MYCBP2: variants seen among roughly 807,000 people sequenced by gnomAD.
The protein encoded by MYCBP2 is MYC binding protein 2.
In MYCBP2, 120 loss-of-function variants were observed where a neutral mutation model predicts 525.3. The ratio of observed to expected loss-of-function variants is 0.23; its 90% CI spans 0.20 to 0.27. The LOEUF (loss-of-function observed/expected upper bound fraction) is 0.27, where lower values mean the gene tolerates loss of function less well. MYCBP2 is among the 10% of genes least tolerant of loss of function. The pLI is 1.00. For missense variants in MYCBP2, 4,149 were observed against 5,657.1 expected (o/e 0.73, Z 8.55); for synonymous variants, 1,894 against 1,955.8 (o/e 0.97, Z 0.83).
At chr13:77,088,766 G>C (rs74859810) in intron 61 of MYCBP2, 66 bp downstream of exon 61, 4 of 1,394,162 alleles carry the variant, frequency 2.9e-6, no homozygotes, top group South Asian at 1.3e-5. Context: ...AAGTGGCATC[G>C]TGAAATAGAA....
intron 52 of MYCBP2, among the ~76,000 whole-genome samples, chr13:77,128,938 C>T (rs2052207691): frequency 6.6e-6 from 1 of 151,960 alleles, no homozygotes; most frequent in Non-Finnish European, 1.5e-5. Flanking sequence ...ACTCATAAAA[C>T]TAAATATAGC....
At chr13:77,219,059 C>T (rs1417544784) in intron 20 of MYCBP2, among the ~76,000 whole-genome samples, 1 of 151,976 alleles carries the variant, frequency 6.6e-6, no homozygotes, top group Non-Finnish European at 1.5e-5. Context: ...GTAATATTCA[C>T]TTAAGCTATG....
chr13:77,078,879 G>T lies in MYCBP2; in HGVS notation c.11429C>A (p.Thr3810Asn). Residue 3810 changes from threonine to asparagine, a missense_variant, in exon 66 of 83, where the codon ACC (threonine) becomes AAC (asparagine). By Grantham distance (65) the Thr-to-Asn change is moderately conservative. Around this residue, in one of 21 missense-constraint regions of MYCBP2, gnomAD observed 509 missense variants for 789.4 expected, o/e 0.64. Coordinates refer to ENST00000544440, the MANE Select transcript of MYCBP2 (RefSeq NM_015057.5). ...DNSRDLGNKV[T>N]SMTFLTGKAV... ...TTTGCCAGTTAAGAAGGTCATTGAG[G>T]TAACTTTATTCTGAAATAGACAATT... 1 of 1,612,938 alleles carries T rather than the reference G, an allele frequency of 6.2e-7. No individual in the cohort carries two copies. Among genetic ancestry groups the T allele is most frequent in the Non-Finnish European group, 8.5e-7 (1 of 1,179,154 alleles).
chr13:77,276,720 G>A (rs547184280), intron 4 of MYCBP2, among the ~76,000 whole-genome samples: 17 of 151,608 alleles, frequency 1.1e-4, no homozygotes, highest in Non-Finnish European at 2.1e-4. Flanking sequence ...AGAGTGCAGC[G>A]CAGTGGCATG....
rs540457473 is a variant in MYCBP2 at position 77,161,404 on chromosome 13, A to G, written c.6597+502T>C. Among the ~76,000 whole-genome samples, 17 of 152,340 alleles carry G rather than the reference A, an allele frequency of 1.1e-4. No individual in the cohort carries two copies. In the South Asian group the frequency reaches 3.5e-3, roughly 32 times the overall value. On this transcript the variant is annotated intron_variant, in intron 44 of 82. Transcript: ENST00000544440. ...AAAGGTAAAGCAAACAATAATAAAA[A>G]CAACAAATGATGGCTCCCAATTGTC... is the stretch of plus-strand genomic sequence containing the variant.
intron 55 of MYCBP2, among the ~76,000 whole-genome samples, chr13:77,107,029 AT>A (rs1291246015): frequency 1.3e-5 from 2 of 152,116 alleles, no homozygotes; most frequent in African/African-American, 4.8e-5. Context: ...ATTTATATAT[AT>A]TTCTTTAGAT....
rs1490168239 is a variant in MYCBP2, at chr13:77,205,171, AT to A, written c.3843+84del. The stretch of plus-strand genomic sequence containing the variant: ...ATAAACCCAGTTAAAAAGGAAAAAA[AT>A]TAGACATTAAATAATAAAATAATAA... On this transcript the variant is annotated intron_variant, in intron 26 of 82. Transcript: ENST00000544440. The A allele has an allele frequency of 4.0e-6, 5 of 1,237,118 alleles. No individual in the cohort carries two copies. In the African/African-American group the frequency reaches 7.9e-5, roughly 19 times the overall value. The allele number at this position is 1,237,118 out of a possible 1,614,324, so 76.6% of individuals were successfully genotyped here. A position where few individuals can be genotyped will look rare whatever the true frequency, so the allele number is the denominator to read the frequency against.
chr13:77,145,385 T>C (rs74098705), intron 48 of MYCBP2, among the ~76,000 whole-genome samples: 10,486 of 152,250 alleles, frequency 0.069, 565 homozygotes, highest in African/African-American at 0.14. Context: ...GTTTTGTTGC[T>C]TTCCCTTTTC....
chr13:77,054,087 G>A (rs115364558), intron 80 of MYCBP2, among the ~76,000 whole-genome samples: 81 of 152,290 alleles, frequency 5.3e-4, no homozygotes, highest in African/African-American at 1.9e-3. Flanking sequence ...TGAAACCTGA[G>A]CTGAAGCCCG....
intron 3 of MYCBP2, among the ~76,000 whole-genome samples, chr13:77,279,500 T>C (rs1352450333): frequency 2.0e-5 from 3 of 152,166 alleles, no homozygotes; most frequent in South Asian, 2.1e-4. Context: ...TATACCTTCA[T>C]AAGACTGATA....
In MYCBP2 at chr13:77,161,886, T is replaced by C; in HGVS notation, c.6597+20A>G. On this transcript the variant is annotated intron_variant, in intron 44 of 82. Coordinates refer to ENST00000544440, the MANE Select transcript of MYCBP2 (RefSeq NM_015057.5). ...TAAATTAATGTACAAAGTTTATCCT[T>C]AAAACATTTGGGACAATACCTGCAA... 6.3e-7 allele frequency: 1 copy of C among 1,590,796 alleles called. No homozygotes were observed. The highest frequency in any genetic ancestry group is 1.7e-5 in the Admixed American group (1 of 57,742).
intron 80 of MYCBP2, 145 bp from the exon 81 acceptor site, chr13:77,052,063 T>C (rs1189838026): frequency 4.8e-6 from 3 of 621,836 alleles, no homozygotes; most frequent in Middle Eastern, 2.5e-4. Context: ...GCCAAGTGCA[T>C]GCCCATATTG....
chr13:77,273,902 A>G (rs1056508305), intron 4 of MYCBP2, among the ~76,000 whole-genome samples: 4 of 152,196 alleles, frequency 2.6e-5, no homozygotes, highest in Non-Finnish European at 5.9e-5. Flanking sequence ...AAAAAAGACA[A>G]TCTAAGGTCT....
intron 55 of MYCBP2, chr13:77,110,163 A>C (rs1405917274): frequency 6.6e-6 from 1 of 152,416 alleles, no homozygotes; most frequent in Non-Finnish European, 1.5e-5. Flanking sequence ...CAGAGAGCCT[A>C]TAAACAGATG....
chr13:77,325,030 G>A (rs1193307048), intron 1 of MYCBP2, among the ~76,000 whole-genome samples: 1 of 152,200 alleles, frequency 6.6e-6, no homozygotes, highest in East Asian at 1.9e-4. Context: ...AGTTCAGATA[G>A]CAAAAAATAG....
At position 77,211,189 on chromosome 13, in the gene MYCBP2, G is replaced by C. The variant is rs751832042; in HGVS notation, c.3394C>G (p.Pro1132Ala). Residue 1132 changes from proline (P) to alanine (A), a missense_variant, in exon 23 of 83, where the codon CCT becomes GCT. Pro to Ala is a conservative substitution (Grantham distance 27, BLOSUM62 -1). Transcript: ENST00000544440. ...DLQGFGVCLD[P>A]VYDVIWRFRP... ...TACCTCCAAATTACATCATATACAG[G>C]ATCAAGACACACACCAAATCCTTGC... 1 of 1,497,498 alleles carries C rather than the reference G, an allele frequency of 6.7e-7. No homozygotes were observed. Among genetic ancestry groups the C allele is most frequent in the East Asian group, 2.5e-5 (1 of 39,440 alleles). 92.8% of individuals were successfully genotyped at this position (1,497,498 alleles called of 1,614,324 possible).
chr13:77,258,983 G>T (rs1010499221), intron 13 of MYCBP2, among the ~76,000 whole-genome samples: 1 of 152,140 alleles, frequency 6.6e-6, no homozygotes, highest in East Asian at 1.9e-4. Context: ...GGCCATGCGC[G>T]GTGGCTCACG....
chr13:77,081,442 A>G lies in MYCBP2; in HGVS notation c.11403T>C (p.Asn3801=). 1.2e-6 allele frequency: 2 copies of G among 1,611,804 alleles called. No homozygotes were observed. The highest frequency in any genetic ancestry group is 1.7e-6 in the Non-Finnish European group (2 of 1,179,522). Residue 3801 remains asparagine, a synonymous_variant, in exon 65 of 83, where the codon AAT becomes AAC. Coordinates refer to ENST00000544440, the MANE Select transcript of MYCBP2 (RefSeq NM_015057.5). The surrounding 1 kb of genome is among the most constrained non-coding windows in gnomAD (Gnocchi z 4.6). The part of the protein sequence containing the change: ...NARYVSVHVD[N]SRDLGNKVTS... ...GCTTTCTTACCCCAAGATCTCGGGA[A>G]TTGTCCACGTGAACAGACACATAGC...
At chr13:77,091,170 T>C (rs1428149506) in intron 59 of MYCBP2, among the ~76,000 whole-genome samples, 1 of 152,132 alleles carries the variant, frequency 6.6e-6, no homozygotes, top group African/African-American at 2.4e-5. Flanking sequence ...AGGTGTTTTC[T>C]TTACTCACCA....
Sources: allele counts gnomAD v4.1 joint callset (sites outside exome capture counted in the v4.1 genomes callset), GRCh38; gene constraint gnomAD v4.1.1; regional missense constraint gnomAD v4.1.1; non-coding constraint Gnocchi (gnomAD v3.1); transcripts MANE v1.5; gene names NCBI Gene and HGNC (gene_info 2026-07-23, HGNC 2026-07-21).